Variants in MTUS2 observed in about 807,000 individuals in gnomAD.
The protein encoded by MTUS2 is microtubule-associated tumor suppressor candidate 2.
Under a neutral mutation model 114.1 loss-of-function variants are expected in MTUS2, and 40 were observed. That is an observed-to-expected ratio of 0.35 (90% CI 0.27 to 0.46). The LOEUF (loss-of-function observed/expected upper bound fraction) is 0.46. Ranked by LOEUF, MTUS2 falls within the 20% of genes least tolerant of loss-of-function variation. The probability of loss-of-function intolerance (pLI) is 1.00; values close to 1 mark genes in which losing one functional copy is unlikely to be tolerated. For missense variants in MTUS2, 1,679 were observed against 1,705.4 expected (o/e 0.98, Z 0.27); for synonymous variants, 688 against 672.0 (o/e 1.02, Z -0.37).
intron 2 of MTUS2, among the ~76,000 whole-genome samples, chr13:28,889,383 C>G (rs897975009): frequency 6.6e-6 from 1 of 152,186 alleles, no homozygotes; most frequent in African/African-American, 2.4e-5. Context: ...GTCACGCTTG[C>G]AGGTACATGT....
intron 5 of MTUS2, among the ~76,000 whole-genome samples, chr13:29,160,630 C>T (rs555959512): frequency 4.6e-5 from 7 of 152,216 alleles, no homozygotes; most frequent in Non-Finnish European, 8.8e-5. Flanking sequence ...ATTAGCTGGG[C>T]ATGGTGGTGG....
At chr13:29,477,538 TG>T (rs1285991441) in intron 9 of MTUS2, among the ~76,000 whole-genome samples, 2 of 152,112 alleles carry the variant, frequency 1.3e-5, no homozygotes, top group Admixed American at 6.5e-5. Context: ...GTTCCTTGTG[TG>T]GGGACTGTAG....
At chr13:29,351,270 G>A (rs1335308568) in intron 7 of MTUS2, among the ~76,000 whole-genome samples, 2 of 152,026 alleles carry the variant, frequency 1.3e-5, no homozygotes, top group African/African-American at 4.8e-5. Context: ...AGGCCTTTGG[G>A]CCTTCAAATG....
At chr13:29,127,487 A>G (rs369759364) in intron 5 of MTUS2, among the ~76,000 whole-genome samples, 19 of 152,162 alleles carry the variant, frequency 1.2e-4, no homozygotes, top group African/African-American at 4.3e-4. Context: ...CAAAGGCCTT[A>G]AAGAGCAAAA....
chr13:29,038,670 C>A (rs1394884261), intron 4 of MTUS2, among the ~76,000 whole-genome samples: 2 of 152,226 alleles, frequency 1.3e-5, no homozygotes, highest in Non-Finnish European at 1.5e-5. Flanking sequence ...GTGCCCTGTC[C>A]CAGGGAGATG....
chr13:28,981,981 G>A (rs1284749984), intron 2 of MTUS2, among the ~76,000 whole-genome samples: 1 of 152,136 alleles, frequency 6.6e-6, no homozygotes, highest in Non-Finnish European at 1.5e-5. Flanking sequence ...AATGCCCTAG[G>A]GATTCGCCCT....
In MTUS2 at chr13:29,144,365, A is replaced by AT. The variant is rs200473116; in HGVS notation, c.2644+43410dup. Among the ~76,000 whole-genome samples the AT allele has an allele frequency of 1.6e-3, 228 of 142,898 alleles. 1 individual carries two copies. Among genetic ancestry groups the AT allele is most frequent in the African/African-American group, 2.4e-3 (92 of 38,864 alleles). The allele number at this position is 142,898 out of a possible 152,430, so 93.7% of individuals were successfully genotyped here. A position where few individuals can be genotyped will look rare whatever the true frequency, so the allele number is the denominator to read the frequency against. Reference sequence around the variant, plus strand: ...CATCTGGAGGTCTGACTGGGGAATAATTTTTTTTTTTTTTTGAGTTGGGGG... The same window carrying AT: ...CATCTGGAGGTCTGACTGGGGAATAATTTTTTTTTTTTTTTTGAGTTGGGGG... On this transcript the variant is annotated intron_variant, in intron 5 of 15. Coordinates refer to ENST00000612955, the MANE Select transcript of MTUS2 (RefSeq NM_001033602.4).
At chr13:28,832,667 A>C (rs1471137085) in intron 1 of MTUS2, among the ~76,000 whole-genome samples, 1 of 148,104 alleles carries the variant, frequency 6.8e-6, no homozygotes, top group East Asian at 1.9e-4. Context: ...AAAATTGTAT[A>C]TATTTAAAAT....
chr13:28,924,683 G>T (rs139566992), intron 2 of MTUS2, among the ~76,000 whole-genome samples: 3 of 152,182 alleles, frequency 2.0e-5, no homozygotes, highest in Non-Finnish European at 4.4e-5. Context: ...CGCTTGTCCC[G>T]GCTGATGGGG....
intron 5 of MTUS2, among the ~76,000 whole-genome samples, chr13:29,184,094 A>G (rs1894120115): frequency 6.6e-6 from 1 of 152,208 alleles, no homozygotes; most frequent in Non-Finnish European, 1.5e-5. Flanking sequence ...TTTACCCCTA[A>G]ACACTTCAGC....
chr13:29,082,051 T>C (rs531651103), intron 4 of MTUS2, among the ~76,000 whole-genome samples: 56 of 152,256 alleles, frequency 3.7e-4, no homozygotes, highest in African/African-American at 1.3e-3. Flanking sequence ...CCCAATGTGA[T>C]AGGAGTTGAG....
chr13:29,080,668 A>G (rs1158140208), intron 4 of MTUS2, among the ~76,000 whole-genome samples: 2 of 152,130 alleles, frequency 1.3e-5, no homozygotes, highest in Non-Finnish European at 1.5e-5. Context: ...GTGCCCACCA[A>G]GATTGAGGGT....
chr13:29,336,510 G>A (rs1901070814), intron 7 of MTUS2, among the ~76,000 whole-genome samples: 1 of 152,142 alleles, frequency 6.6e-6, no homozygotes, highest in Non-Finnish European at 1.5e-5. Context: ...TCCTTCCTCT[G>A]GAAGCTTTGT....
At chr13:29,284,538 A>G (rs559462671) in intron 6 of MTUS2, among the ~76,000 whole-genome samples, 7 of 152,234 alleles carry the variant, frequency 4.6e-5, no homozygotes, top group Non-Finnish European at 7.3e-5. Context: ...ACAATTATAC[A>G]TTAAATGTTA....
chr13:28,956,493 C>T (rs1883073750), intron 2 of MTUS2, among the ~76,000 whole-genome samples: 1 of 152,162 alleles, frequency 6.6e-6, no homozygotes, highest in African/African-American at 2.4e-5. Context: ...GGCTTCCCCA[C>T]CAAAGCCTCT....
At position 29,503,631 on chromosome 13, in the gene MTUS2, A is replaced by G; in HGVS notation, c.*425A>G. 4.0e-6 allele frequency: 1 copy of G among 247,316 alleles called. No individual in the cohort carries two copies. Among genetic ancestry groups the G allele is most frequent in the Non-Finnish European group, 7.9e-6 (1 of 126,284 alleles). The allele number at this position is 247,316 out of a possible 1,614,324, so 15.3% of individuals were successfully genotyped here. On this transcript the variant is annotated 3_prime_UTR_variant, in exon 16 of 16. Coordinates refer to ENST00000612955, the MANE Select transcript of MTUS2 (RefSeq NM_001033602.4). ...ATTTTTTATAACATGAAGTGCTGAC[A>G]TATTTTAGTGAAGGTCAGCAGTTTT...
intron 2 of MTUS2, among the ~76,000 whole-genome samples, chr13:28,998,727 A>G (rs149887343): frequency 0.018 from 2,697 of 152,190 alleles, 83 homozygotes; most frequent in African/African-American, 0.061. Flanking sequence ...CTTGTGCCAT[A>G]GTTTTCAGGT....
chr13:28,892,477 A>C (rs1369903620), intron 2 of MTUS2, among the ~76,000 whole-genome samples: 1 of 152,220 alleles, frequency 6.6e-6, no homozygotes, highest in African/African-American at 2.4e-5. Context: ...GTTTTAACCC[A>C]AAACACACCT....
intron 9 of MTUS2, among the ~76,000 whole-genome samples, chr13:29,465,587 C>T (rs1353758855): frequency 2.0e-5 from 3 of 152,148 alleles, no homozygotes; most frequent in Admixed American, 6.5e-5. Flanking sequence ...GCCCTGTTTC[C>T]TGCCCTGGGG....
Sources: allele counts gnomAD v4.1 joint callset (sites outside exome capture counted in the v4.1 genomes callset), GRCh38; gene constraint gnomAD v4.1.1; transcripts MANE v1.5; gene names NCBI Gene and HGNC (gene_info 2026-07-23, HGNC 2026-07-21).